Variants in PTK2 observed in about 807,000 individuals in gnomAD.
PTK2 encodes focal adhesion kinase 1.
PTK2 carries 45 observed loss-of-function variants against 150.1 expected under a neutral mutation model. The observed-to-expected ratio is 0.30, with a 90% CI of 0.24 to 0.38. PTK2 has a LOEUF of 0.38. Among genes scored for constraint, PTK2 ranks in the 10% least tolerant of loss-of-function variants. The pLI, the probability that PTK2 is intolerant of heterozygous loss-of-function variation, is 1.00. For synonymous variants in PTK2, 432 were observed against 449.2 expected (o/e 0.96, Z 0.48); for missense variants, 919 against 1,307.3 (o/e 0.70, Z 4.58).
At chr8:140,729,277 C>T (rs371454523) in intron 22 of PTK2, among the ~76,000 whole-genome samples, 8 of 152,112 alleles carry the variant, frequency 5.3e-5, no homozygotes, top group African/African-American at 1.9e-4. Flanking sequence ...ACAAAAACTC[C>T]CAACACCCCC....
rs575962458 is a variant in PTK2 at position 140,872,627 on chromosome 8, C to CA, written c.362+6843dup. On this transcript the variant is annotated intron_variant, in intron 4 of 31. Coordinates refer to ENST00000522684, the Ensembl canonical transcript of PTK2. The stretch of plus-strand genomic sequence containing the variant: ...AAACTCAGCCTCAGACCCTAATGGT[C>CA]AACAGAAGTTCCCCTGGAGCCTGTG... Among the ~76,000 whole-genome samples the CA allele has an allele frequency of 6.9e-4, 105 of 152,334 alleles. 1 individual carries two copies. Among genetic ancestry groups the CA allele is most frequent in the Middle Eastern group, 3.4e-3 (1 of 294 alleles).
intron 5 of PTK2, among the ~76,000 whole-genome samples, chr8:140,853,479 T>C (rs565949005): frequency 1.3e-5 from 2 of 151,808 alleles, no homozygotes; most frequent in Admixed American, 1.3e-4. Context: ...CTGAGAATGA[T>C]GGTTTCCAGC....
chr8:140,939,696 T>C (rs1202121197), intron 1 of PTK2, among the ~76,000 whole-genome samples: 1 of 152,252 alleles, frequency 6.6e-6, no homozygotes, highest in Non-Finnish European at 1.5e-5. Context: ...CTGTTGTCAC[T>C]AGGAGATAAA....
chr8:140,965,530 G>A (rs1232931902), intron 1 of PTK2, among the ~76,000 whole-genome samples: 1 of 152,178 alleles, frequency 6.6e-6, no homozygotes, highest in African/African-American at 2.4e-5. Flanking sequence ...GCTTACTAGA[G>A]AGGCCATTAA....
intron 31 of PTK2, among the ~76,000 whole-genome samples, chr8:140,661,094 T>C (rs970339229): frequency 3.3e-5 from 5 of 152,178 alleles, no homozygotes; most frequent in Admixed American, 6.5e-5. Context: ...CAGAGAGAAT[T>C]TGTCTGAATT....
chr8:140,912,870 T>C (rs1035197541), intron 2 of PTK2, among the ~76,000 whole-genome samples: 5 of 151,890 alleles, frequency 3.3e-5, no homozygotes, highest in Admixed American at 3.3e-4. Flanking sequence ...AGCTTGAACC[T>C]GGGAGGCGGA....
intron 22 of PTK2, among the ~76,000 whole-genome samples, chr8:140,719,699 T>G (rs2100041709): frequency 6.6e-6 from 1 of 151,908 alleles, no homozygotes; most frequent in Non-Finnish European, 1.5e-5. Context: ...ACGAGGTCTT[T>G]GAGGTGCTCT....
chr8:140,690,709 G>GT (rs1235074521), intron 26 of PTK2, among the ~76,000 whole-genome samples: 1 of 152,164 alleles, frequency 6.6e-6, no homozygotes, highest in Non-Finnish European at 1.5e-5. Flanking sequence ...TGGTGTAAAT[G>GT]TATGTTTACA....
intron 1 of PTK2, among the ~76,000 whole-genome samples, chr8:140,983,677 A>AG (rs1463404492): frequency 7.1e-6 from 1 of 141,696 alleles, no homozygotes; most frequent in Non-Finnish European, 1.5e-5. Context: ...GAAGGAAGGA[A>AG]GAAGGAAGGA....
At chr8:140,735,307 G>A in exon 22 of PTK2, 2 of 1,614,084 alleles carry the variant, frequency 1.2e-6, no homozygotes, top group East Asian at 4.5e-5. Context: ...CATAGGCCCA[G>A]CATTTCGTCA....
exon 20 of PTK2, chr8:140,743,289 C>T: frequency 1.9e-6 from 3 of 1,613,590 alleles, no homozygotes; most frequent in Non-Finnish European, 2.5e-6. Flanking sequence ...TAATTTTACA[C>T]AATCATTTGA....
intron 1 of PTK2, among the ~76,000 whole-genome samples, chr8:140,958,042 C>G (rs752116132): frequency 6.6e-6 from 1 of 152,208 alleles, no homozygotes; most frequent in African/African-American, 2.4e-5. Context: ...GAGTTAACTA[C>G]CTTTTTCTTG....
At chr8:140,777,828 T>A (rs1456945530) in intron 14 of PTK2, among the ~76,000 whole-genome samples, 1 of 152,172 alleles carries the variant, frequency 6.6e-6, no homozygotes, top group African/African-American at 2.4e-5. Flanking sequence ...ATGCTACCAT[T>A]TTCTGAACAC....
At chr8:140,694,251 C>T (rs1485863558) in intron 26 of PTK2, among the ~76,000 whole-genome samples, 1 of 151,966 alleles carries the variant, frequency 6.6e-6, no homozygotes, top group East Asian at 1.9e-4. Flanking sequence ...CCATGTTAGC[C>T]AGGATGGTCT....
At chr8:140,800,091 A>G (rs1246181133) in intron 12 of PTK2, among the ~76,000 whole-genome samples, 1 of 152,214 alleles carries the variant, frequency 6.6e-6, no homozygotes, top group African/African-American at 2.4e-5. Context: ...TAGAAAGGAC[A>G]CTTTATTTAT....
At chr8:140,902,935 T>TTTG (rs2100159218) in intron 2 of PTK2, among the ~76,000 whole-genome samples, 3 of 136,974 alleles carry the variant, frequency 2.2e-5, no homozygotes, top group Admixed American at 7.4e-5. Context: ...TTTTTTTTTT[T>TTTG]TTTTTTTTTT....
intron 2 of PTK2, among the ~76,000 whole-genome samples, chr8:140,912,747 T>G (rs1489461884): frequency 6.6e-6 from 1 of 151,894 alleles, no homozygotes; most frequent in Non-Finnish European, 1.5e-5. Context: ...GATCACAACA[T>G]CAGGAGTTCG....
intron 7 of PTK2, among the ~76,000 whole-genome samples, chr8:140,840,038 A>G (rs771621220): frequency 2.0e-5 from 3 of 152,226 alleles, no homozygotes; most frequent in Non-Finnish European, 2.9e-5. Flanking sequence ...AAGGAAAAGC[A>G]TACCAGAAGG....
intron 26 of PTK2, among the ~76,000 whole-genome samples, chr8:140,690,324 A>G (rs1017661033): frequency 6.6e-6 from 1 of 151,972 alleles, no homozygotes; most frequent in Non-Finnish European, 1.5e-5. Flanking sequence ...ATTCACAGGC[A>G]CAATCATAGT....
Sources: allele counts gnomAD v4.1 joint callset (sites outside exome capture counted in the v4.1 genomes callset), GRCh38; gene constraint gnomAD v4.1.1; transcripts MANE v1.5; gene names NCBI Gene and HGNC (gene_info 2026-07-23, HGNC 2026-07-21).